Variants in KAT14 observed in about 807,000 individuals in gnomAD.
The protein encoded by KAT14 is lysine acetyltransferase 14, also known as cysteine-rich protein 2-binding protein.
Under a neutral mutation model 78.4 loss-of-function variants are expected in KAT14, and 66 were observed. The ratio of observed to expected loss-of-function variants is 0.84; its 90% CI spans 0.69 to 1.03. The LOEUF (loss-of-function observed/expected upper bound fraction) is 1.03. Ranked by LOEUF, KAT14 falls within the 50% of genes least tolerant of loss-of-function variation. KAT14 has a pLI of 0.00. For missense variants in KAT14, 870 were observed against 972.5 expected (o/e 0.89, Z 1.40); for synonymous variants, 344 against 359.4 (o/e 0.96, Z 0.48).
Position 18,142,477 on chromosome 20 carries a change from A to G in KAT14, c.-184A>G, listed in dbSNP as rs2037624389. On this transcript the variant is annotated 5_prime_UTR_variant, in exon 2 of 11. Coordinates refer to ENST00000688188, the MANE Select transcript of KAT14 (RefSeq NM_001392073.1). ...TCACTGTCCTTTTAAACTTGATCAA[A>G]TAAAGGACAGTGGGTCATATAAGTT... is the stretch of plus-strand genomic sequence containing the variant. The G allele has an allele frequency of 6.9e-7, 1 of 1,457,766 alleles. No homozygotes were observed. Among genetic ancestry groups the G allele is most frequent in the Non-Finnish European group, 9.0e-7 (1 of 1,110,410 alleles). 90.3% of individuals were successfully genotyped at this position (1,457,766 alleles called of 1,614,324 possible).
intron 7 of KAT14, among the ~76,000 whole-genome samples, chr20:18,173,482 T>G (rs770270372): frequency 6.6e-6 from 1 of 152,230 alleles, no homozygotes. Flanking sequence ...CTTCTAAGCT[T>G]CTTGCCTGCC....
At position 18,150,970 on chromosome 20, in the gene KAT14, T is replaced by A. The variant is rs1452320033; in HGVS notation, c.500+28T>A. 1.9e-6 allele frequency: 3 copies of A among 1,609,142 alleles called. No individual in the cohort carries two copies. The Admixed American group carries it at 5.0e-5, about 27-fold the overall frequency. ...AATGTGTTTTTAAAAAATCTTATACTTCAAGGAATATGTAAAGAATGAAGT... is the reference window on the plus strand; with the variant it reads ...AATGTGTTTTTAAAAAATCTTATACATCAAGGAATATGTAAAGAATGAAGT... On this transcript the variant is annotated intron_variant, in intron 4 of 10. Transcript: ENST00000688188.
At chr20:18,155,350 G>GT (rs888100150) in intron 4 of KAT14, among the ~76,000 whole-genome samples, 15 of 152,128 alleles carry the variant, frequency 9.9e-5, no homozygotes, top group East Asian at 5.8e-4. Context: ...AAAGGTGGGG[G>GT]TTTTTTTGGT....
chr20:18,162,096 G>A lies in KAT14; in HGVS notation c.956G>A (p.Arg319His), dbSNP rs761404477. 5.6e-6 allele frequency: 9 copies of A among 1,614,048 alleles called. No individual in the cohort carries two copies. In the East Asian group the frequency reaches 8.9e-5, roughly 16 times the overall value. The part of the protein sequence containing the change: ...IDFSSLSSSD[R>H]TPLTSPSPSP... ...TTTTCCTCCTTGAGCTCCTCTGACC[G>A]CACCCCGCTGACAAGCCCATCTCCT... is the stretch of plus-strand genomic sequence containing the variant. The change falls in exon 6 of 11, where the codon CGC becomes CAC. Residue 319 changes from arginine to histidine, a missense_variant. Physicochemically the swap from Arg to His is conservative, Grantham distance 29 (BLOSUM62 0). Transcript: ENST00000688188.
At chr20:18,145,089 C>A in intron 2 of KAT14, 144 bp from the exon 3 acceptor site, 2 of 1,417,026 alleles carry the variant, frequency 1.4e-6, no homozygotes, top group Non-Finnish European at 1.8e-6. Context: ...TAATTCCCTT[C>A]CTTTTCCCCA....
At chr20:18,138,572 C>T in intron 1 of KAT14, 1 of 531,690 alleles carries the variant, frequency 1.9e-6, no homozygotes, top group Non-Finnish European at 2.4e-6. Flanking sequence ...AGCCCCCCTT[C>T]CCCGTACTCA....
At position 18,143,626 on chromosome 20, in the gene KAT14, TATTTTA is replaced by T. The variant is rs1443840238; in HGVS notation, c.259+708_259+713del. ...AGCACACCTGGCTAATTTTTTTTTT[TATTTTA>T]TTTTTTTTTTTTGAGACGGAGTTTT... On this transcript the variant is annotated intron_variant, in intron 2 of 10. Coordinates refer to ENST00000688188, the MANE Select transcript of KAT14 (RefSeq NM_001392073.1). 6.9e-3 allele frequency among the ~76,000 whole-genome samples: 985 copies of T among 142,810 alleles called. 49 individuals carry two copies. Among genetic ancestry groups the T allele is most frequent in the African/African-American group, 0.022 (823 of 37,362 alleles). 93.7% of individuals were successfully genotyped at this position (142,810 alleles called of 152,430 possible). A position where few individuals can be genotyped will look rare whatever the true frequency, so the allele number is the denominator to read the frequency against.
At chr20:18,160,940 C>T (rs779752245) in intron 5 of KAT14, among the ~76,000 whole-genome samples, 47 of 151,932 alleles carry the variant, frequency 3.1e-4, no homozygotes, top group Non-Finnish European at 6.3e-4. Context: ...TTTGGGAGGC[C>T]GAGACAGGTG....
At chr20:18,183,980 C>T (rs1221246006) in intron 9 of KAT14, among the ~76,000 whole-genome samples, 1 of 152,204 alleles carries the variant, frequency 6.6e-6, no homozygotes, top group Non-Finnish European at 1.5e-5. Context: ...CACATAATCA[C>T]ATAACTGTGA....
At chr20:18,139,480 C>T (rs2037439373) in intron 1 of KAT14, among the ~76,000 whole-genome samples, 2 of 152,164 alleles carry the variant, frequency 1.3e-5, no homozygotes, top group Non-Finnish European at 2.9e-5. Context: ...GTCCCCACCC[C>T]AGACCATTTA....
chr20:18,181,364 CTTTTTTTTTTT>C (rs762890490), intron 7 of KAT14, among the ~76,000 whole-genome samples: 2 of 106,800 alleles, frequency 1.9e-5, no homozygotes, highest in Non-Finnish European at 1.9e-5. Flanking sequence ...AATTTTGTTT[CTTTTTTTTTTT>C]TTTTTTTTTT....
intron 4 of KAT14, among the ~76,000 whole-genome samples, chr20:18,156,202 A>G (rs1032035979): frequency 6.6e-6 from 1 of 152,190 alleles, no homozygotes; most frequent in Admixed American, 6.5e-5. Flanking sequence ...TCACAGATAC[A>G]GAACGTAGAA....
At chr20:18,158,943 C>G (rs1600225357) in intron 4 of KAT14, 141 bp from the exon 5 acceptor site, 1 of 1,033,088 alleles carries the variant, frequency 9.7e-7, no homozygotes, top group Non-Finnish European at 1.3e-6. Flanking sequence ...CAGAGCCTCT[C>G]TCCTGCCTCT....
chr20:18,143,665 T>C lies in KAT14; in HGVS notation c.259+746T>C, dbSNP rs1385321185. Among the ~76,000 whole-genome samples, 4 of 150,660 alleles carry C rather than the reference T, an allele frequency of 2.7e-5. No individual in the cohort carries two copies. The East Asian group carries it at 5.8e-4, about 22-fold the overall frequency. On this transcript the variant is annotated intron_variant, in intron 2 of 10. Transcript: ENST00000688188. ...TTTTTGAGACGGAGTTTTCCTCTTA[T>C]TGCCCAGGCTGGAGTGCAATGGCAT...
chr20:18,144,378 T>G (rs1416043732), intron 2 of KAT14, among the ~76,000 whole-genome samples: 2 of 152,220 alleles, frequency 1.3e-5, no homozygotes, highest in South Asian at 4.1e-4. Flanking sequence ...GTTTCTTTGA[T>G]TCCCACACAA....
chr20:18,184,903 T>C, intron 10 of KAT14, 111 bp downstream of exon 10: 1 of 1,211,862 alleles, frequency 8.3e-7, no homozygotes, highest in Non-Finnish European at 1.1e-6. Flanking sequence ...TGGAATGGTT[T>C]CCTTGTAAAC....
intron 7 of KAT14, among the ~76,000 whole-genome samples, chr20:18,167,959 A>G (rs903798703): frequency 5.9e-5 from 9 of 152,058 alleles, no homozygotes; most frequent in Non-Finnish European, 1.3e-4. Context: ...AAATGACATA[A>G]ATCTTTACTA....
chr20:18,162,468 T>A lies in KAT14; in HGVS notation c.1191T>A (p.Val397=). The change falls in exon 7 of 11, where the codon GTT becomes GTA. Residue 397 remains valine (V), a synonymous_variant. Transcript: ENST00000688188. The part of the protein sequence containing the change: ...PAGSVASGPV[V]GVRKKVRGPE... ...GGTCAGTAGCTTCTGGGCCAGTGGT[T>A]GGGGTCAGAAAGAAGGTCAGAGGCC... 1 of 1,613,944 alleles carries A rather than the reference T, an allele frequency of 6.2e-7. No individual in the cohort carries two copies. Among genetic ancestry groups the A allele is most frequent in the Non-Finnish European group, 8.5e-7 (1 of 1,179,994 alleles).
intron 7 of KAT14, among the ~76,000 whole-genome samples, chr20:18,164,643 G>GTC (rs2038574713): frequency 1.4e-5 from 2 of 141,540 alleles, no homozygotes; most frequent in Non-Finnish European, 3.0e-5. Context: ...TTGAGACATG[G>GTC]TCTCTCTCTG....
Sources: gnomAD v4.1 joint callset for allele counts (sites outside exome capture counted in the v4.1 genomes callset) on GRCh38, gnomAD v4.1.1 for gene constraint, MANE v1.5 for transcripts, NCBI Gene and HGNC (gene_info 2026-07-23, HGNC 2026-07-21) for gene names.